CNTNAP2: variants seen among roughly 807,000 people sequenced by gnomAD.
The protein encoded by CNTNAP2 is contactin associated protein 2.
A neutral mutation model predicts 155.2 loss-of-function variants in CNTNAP2; 98 were observed. The observed-to-expected ratio is 0.63, with a 90% confidence interval of 0.54 to 0.75. CNTNAP2 has a LOEUF of 0.75. Ranked by LOEUF, CNTNAP2 falls within the 30% of genes least tolerant of loss-of-function variation. The pLI, the probability that CNTNAP2 is intolerant of heterozygous loss-of-function variation, is 0.00. For missense variants in CNTNAP2, 1,727 were observed against 1,688.1 expected (o/e 1.02, Z -0.40); for synonymous variants, 651 against 631.2 (o/e 1.03, Z -0.47).
At chr7:146,694,118 A>T (rs991728674) in intron 1 of CNTNAP2, among the ~76,000 whole-genome samples, 1 of 152,218 alleles carries the variant, frequency 6.6e-6, no homozygotes, top group Non-Finnish European at 1.5e-5. Context: ...TAAGAATATA[A>T]TTGGAAAATA....
At chr7:146,156,073 T>C (rs1293713212) in intron 1 of CNTNAP2, among the ~76,000 whole-genome samples, 1 of 152,132 alleles carries the variant, frequency 6.6e-6, no homozygotes, top group Non-Finnish European at 1.5e-5. Context: ...ACAGAGACGC[T>C]ATCAGCTCCT....
At chr7:147,953,692 G>A (rs1003809081) in intron 14 of CNTNAP2, among the ~76,000 whole-genome samples, 2 of 152,056 alleles carry the variant, frequency 1.3e-5, no homozygotes, top group African/African-American at 4.8e-5. Flanking sequence ...CTCTCTCAAG[G>A]TTCTAGAGGC....
At chr7:148,018,692 G>A (rs559940051) in intron 15 of CNTNAP2, among the ~76,000 whole-genome samples, 65 of 152,316 alleles carry the variant, frequency 4.3e-4, no homozygotes, top group South Asian at 1.2e-3. Context: ...CAGGTATCCC[G>A]GAGCACCTCC....
At chr7:146,669,416 A>G (rs999981781) in intron 1 of CNTNAP2, among the ~76,000 whole-genome samples, 5 of 152,326 alleles carry the variant, frequency 3.3e-5, no homozygotes, top group Admixed American at 1.3e-4. Context: ...TAAGTAATAT[A>G]CACAGGAGAC....
At chr7:147,040,870 C>G (rs1359845112) in intron 3 of CNTNAP2, among the ~76,000 whole-genome samples, 1 of 152,156 alleles carries the variant, frequency 6.6e-6, no homozygotes, top group Non-Finnish European at 1.5e-5. Flanking sequence ...ATCTTTCCCT[C>G]TCTTCCCTTT....
chr7:146,457,532 A>C, intron 1 of CNTNAP2, among the ~76,000 whole-genome samples: 2 of 86,694 alleles, frequency 2.3e-5, no homozygotes, highest in African/African-American at 4.1e-5. Flanking sequence ...ATATATATAT[A>C]TATAGTCACC....
chr7:147,167,686 G>T, intron 8 of CNTNAP2: 1 of 330,826 alleles, frequency 3.0e-6, no homozygotes, highest in Non-Finnish European at 5.5e-6. Context: ...GCTAGGTGGG[G>T]CATGTGGTTC....
At chr7:148,368,205 TA>T (rs1798820732) in intron 21 of CNTNAP2, among the ~76,000 whole-genome samples, 1 of 152,036 alleles carries the variant, frequency 6.6e-6, no homozygotes, top group Non-Finnish European at 1.5e-5. Context: ...CCACAAGGAG[TA>T]ATTACCAATT....
At chr7:146,546,591 A>T (rs7797091) in intron 1 of CNTNAP2, among the ~76,000 whole-genome samples, 1 of 151,388 alleles carries the variant, frequency 6.6e-6, no homozygotes, top group East Asian at 2.0e-4. Context: ...AGAAATTATC[A>T]TAACAGGTTG....
At chr7:147,288,389 G>T (rs1805229822) in intron 8 of CNTNAP2, among the ~76,000 whole-genome samples, 1 of 152,188 alleles carries the variant, frequency 6.6e-6, no homozygotes, top group Non-Finnish European at 1.5e-5. Context: ...ATGAATTAAT[G>T]AGTGAATAAA....
At chr7:148,086,533 A>C (rs59872424) in intron 15 of CNTNAP2, among the ~76,000 whole-genome samples, 5,830 of 152,322 alleles carry the variant, frequency 0.038, 395 homozygotes, top group African/African-American at 0.13. Flanking sequence ...AAATTGTTGT[A>C]AATACAAAGG....
intron 15 of CNTNAP2, among the ~76,000 whole-genome samples, chr7:148,095,494 G>T (rs1349696050): frequency 6.6e-6 from 1 of 152,228 alleles, no homozygotes; most frequent in African/African-American, 2.4e-5. Flanking sequence ...AACAGTGTTT[G>T]CAGAGCTTCT....
intron 15 of CNTNAP2, among the ~76,000 whole-genome samples, chr7:147,999,136 G>A (rs1801856039): frequency 6.6e-6 from 1 of 152,050 alleles, no homozygotes; most frequent in Admixed American, 6.5e-5. Context: ...AGGTTGGAGT[G>A]CAGTGGTGCA....
chr7:146,748,189 A>G (rs1453119495), intron 1 of CNTNAP2, among the ~76,000 whole-genome samples: 1 of 122,296 alleles, frequency 8.2e-6, no homozygotes, highest in Non-Finnish European at 1.6e-5. Context: ...TCTGTCACCC[A>G]GGCTGGAGTA....
At chr7:147,713,113 G>C (rs1164235059) in intron 13 of CNTNAP2, among the ~76,000 whole-genome samples, 8 of 151,920 alleles carry the variant, frequency 5.3e-5, no homozygotes. Flanking sequence ...GAACACGGTG[G>C]CAAGATCTGT....
At chr7:147,115,069 A>G (rs1242820523) in intron 5 of CNTNAP2, among the ~76,000 whole-genome samples, 1 of 152,120 alleles carries the variant, frequency 6.6e-6, no homozygotes, top group African/African-American at 2.4e-5. Flanking sequence ...TCACTTATGA[A>G]GCTTAGTTTG....
In CNTNAP2 at chr7:147,355,554, TAAAG is replaced by T. The variant is rs1796049172; in HGVS notation, c.1499-40052_1499-40049del. Among the ~76,000 whole-genome samples the T allele has an allele frequency of 1.3e-5, 2 of 151,636 alleles. 1 individual carries two copies. Among genetic ancestry groups the T allele is most frequent in the South Asian group, 4.2e-4 (2 of 4,808 alleles). The stretch of plus-strand genomic sequence containing the variant: ...ATAGATAGACTGCTAGTCAGATTAA[TAAAG>T]AAGAAAAGAGAGAATCATATAGACA... On this transcript the variant is annotated intron_variant, in intron 9 of 23. Transcript: ENST00000361727.
At chr7:146,903,644 T>C (rs921729788) in intron 3 of CNTNAP2, among the ~76,000 whole-genome samples, 4 of 152,128 alleles carry the variant, frequency 2.6e-5, no homozygotes, top group Admixed American at 2.6e-4. Context: ...CTTTAGAACC[T>C]TAGGCAAAGG....
intron 1 of CNTNAP2, among the ~76,000 whole-genome samples, chr7:146,434,976 T>C (rs770856515): frequency 3.3e-5 from 5 of 152,024 alleles, no homozygotes; most frequent in African/African-American, 9.6e-5. Context: ...ATGCAAACTT[T>C]TCTCTCTCTC....
Sources: allele counts gnomAD v4.1 joint callset (sites outside exome capture counted in the v4.1 genomes callset), GRCh38; gene constraint gnomAD v4.1.1; transcripts MANE v1.5; gene names NCBI Gene and HGNC (gene_info 2026-07-23, HGNC 2026-07-21).